The following NPHP4 variants were observed in gnomAD, a reference collection of about 807,000 sequenced individuals.
NPHP4 encodes the protein nephrocystin-4.
A neutral mutation model predicts 155.8 loss-of-function variants in NPHP4; 151 were observed. The ratio of observed to expected loss-of-function variants is 0.97; its 90% CI spans 0.85 to 1.11. NPHP4 has a LOEUF of 1.11. NPHP4 is among the 50% of genes least tolerant of loss of function. The pLI is 0.00. For missense variants in NPHP4, 1,956 were observed against 1,925.7 expected, an observed-to-expected ratio of 1.02 and a Z score of -0.29; for synonymous variants, 845 against 816.8, an observed-to-expected ratio of 1.03 and a Z score of -0.59.
chr1:5,992,172 T>G (rs1386335189), intron 1 of NPHP4, 72 bp downstream of exon 1: 2 of 152,042 alleles, frequency 1.3e-5, no homozygotes, highest in Non-Finnish European at 2.9e-5. Context: ...AGGCCCCCTG[T>G]GCCTCGAGGC....
chr1:5,965,080 G>A (rs922824526), intron 5 of NPHP4, among the ~76,000 whole-genome samples: 1 of 150,472 alleles, frequency 6.6e-6, no homozygotes, highest in Non-Finnish European at 1.5e-5. Flanking sequence ...CCACAGGGGC[G>A]CACCGCCATA....
intron 5 of NPHP4, among the ~76,000 whole-genome samples, chr1:5,965,121 T>TG (rs1651235850): frequency 1.3e-5 from 2 of 151,196 alleles, no homozygotes; most frequent in East Asian, 1.9e-4. Context: ...TTTGTAGAGA[T>TG]GGGGTCTCAC....
chr1:5,888,400 T>C (rs1643930683), intron 17 of NPHP4: 1 of 1,089,544 alleles, frequency 9.2e-7, no homozygotes, highest in Non-Finnish European at 1.1e-6. Context: ...TTCCGGATTT[T>C]GTAATTCTCC....
chr1:5,939,956 A>G (rs1041313651), intron 9 of NPHP4, among the ~76,000 whole-genome samples: 13 of 152,138 alleles, frequency 8.5e-5, no homozygotes, highest in African/African-American at 3.1e-4. Flanking sequence ...ACAGAGGATG[A>G]GGTGGGGCCA....
At position 5,905,413 on chromosome 1, in the gene NPHP4, C is replaced by G; in HGVS notation, c.1834G>C (p.Ala612Pro). The stretch of plus-strand genomic sequence containing the variant: ...ACAGCCTCGGCTGGCTGTTTATTGG[C>G]ATCCAGAATCTCGGGAAAGCCGGAG... ...QSSGFPEILD[A>P]NKQPAEAVSA... The change falls in exon 15 of 30, where the codon GCC (alanine) becomes CCC (proline). Residue 612 changes from alanine to proline, a missense_variant. Physicochemically the swap from Ala to Pro is conservative, Grantham distance 27. Coordinates refer to ENST00000378156, the MANE Select transcript of NPHP4 (RefSeq NM_015102.5). The surrounding 1 kb of genome is among the most constrained non-coding windows in gnomAD (Gnocchi z 4.0). The G allele has an allele frequency of 1.2e-6, 2 of 1,612,994 alleles. No homozygotes were observed. The highest frequency in any genetic ancestry group is 4.5e-5 in the East Asian group (2 of 44,836).
At chr1:5,956,066 G>GC (rs1553190524) in intron 6 of NPHP4, among the ~76,000 whole-genome samples, 1 of 150,100 alleles carries the variant, frequency 6.7e-6, no homozygotes, top group Non-Finnish European at 1.5e-5. Context: ...AGCTGGGGGG[G>GC]GGGGGTGCAG....
chr1:5,878,085 AG>A (rs1642807641), intron 19 of NPHP4, among the ~76,000 whole-genome samples: 1 of 152,224 alleles, frequency 6.6e-6, no homozygotes, highest in Admixed American at 6.5e-5. Flanking sequence ...GGCAGCTGAG[AG>A]GCGCCCCAGC....
At chr1:5,911,952 C>T (rs908730419) in intron 11 of NPHP4, among the ~76,000 whole-genome samples, 6 of 152,192 alleles carry the variant, frequency 3.9e-5, no homozygotes, top group Non-Finnish European at 5.9e-5. Context: ...GCCTGACTTC[C>T]GCCACATAAC....
Position 5,917,003 on chromosome 1 carries a change from G to A in NPHP4, c.1442-7790C>T, listed in dbSNP as rs1645506731. ...GGCAAAGCTGGAATGCAAGAGTGCA[G>A]CCAAAGCGGCAGTGGCAGGGAAAGA... On this transcript the variant is annotated intron_variant, in intron 11 of 29. Transcript: ENST00000378156. Among the ~76,000 whole-genome samples the A allele has an allele frequency of 5.9e-5, 9 of 152,368 alleles. No homozygotes were observed. In the South Asian group the frequency reaches 1.9e-3, roughly 32 times the overall value.
At chr1:5,921,902 T>C (rs1193074615) in intron 11 of NPHP4, among the ~76,000 whole-genome samples, 1 of 152,252 alleles carries the variant, frequency 6.6e-6, no homozygotes, top group Non-Finnish European at 1.5e-5. Context: ...CTGCTACTCC[T>C]TGCGGTAAGC....
chr1:5,863,493 C>T, intron 29 of NPHP4, 88 bp from the exon 30 acceptor site: 1 of 1,506,104 alleles, frequency 6.6e-7, no homozygotes, highest in Admixed American at 1.7e-5. Flanking sequence ...GTGTTTATTT[C>T]CAAGGGGAGC....
At chr1:5,865,680 C>T (rs867595496) in intron 26 of NPHP4, 2 of 175,450 alleles carry the variant, frequency 1.1e-5, no homozygotes, top group South Asian at 3.4e-4. Flanking sequence ...GGCTGGAGGT[C>T]ATGCCGGCCT....
At chr1:5,895,844 C>A (rs1415188929) in intron 16 of NPHP4, among the ~76,000 whole-genome samples, 1 of 152,236 alleles carries the variant, frequency 6.6e-6, no homozygotes, top group Non-Finnish European at 1.5e-5. Flanking sequence ...GAGCATGATG[C>A]GGCTACCGTA....
intron 16 of NPHP4, among the ~76,000 whole-genome samples, chr1:5,899,549 G>A (rs1465190226): frequency 2.6e-5 from 4 of 152,214 alleles, no homozygotes; most frequent in South Asian, 2.1e-4. Flanking sequence ...AGCCCCTTCC[G>A]GGCTGGGAGG....
intron 9 of NPHP4, among the ~76,000 whole-genome samples, chr1:5,938,831 C>T (rs574834019): frequency 1.6e-4 from 24 of 152,320 alleles, no homozygotes; most frequent in Admixed American, 9.8e-4. Context: ...TCATCAGAAT[C>T]GGCTATTTTG....
intron 7 of NPHP4, among the ~76,000 whole-genome samples, chr1:5,950,146 TA>T (rs1234787677): frequency 1.3e-5 from 2 of 152,176 alleles, no homozygotes; most frequent in African/African-American, 4.8e-5. Flanking sequence ...GCAATGAATT[TA>T]TGTTTTTAAA....
chr1:5,969,875 C>T (rs532729526), intron 3 of NPHP4, among the ~76,000 whole-genome samples: 23 of 152,278 alleles, frequency 1.5e-4, no homozygotes, highest in Admixed American at 9.8e-4. Context: ...TAATTATCCC[C>T]GGTTCAGAGC....
intron 6 of NPHP4, among the ~76,000 whole-genome samples, chr1:5,960,413 C>T (rs1444829040): frequency 1.3e-5 from 2 of 152,124 alleles, no homozygotes. Flanking sequence ...AATGCCTGTA[C>T]GATGCACAGG....
intron 17 of NPHP4, chr1:5,888,447 T>C (rs1643932710): frequency 8.9e-7 from 1 of 1,128,650 alleles, no homozygotes; most frequent in South Asian, 2.0e-5. Context: ...TCTCTGGGAG[T>C]GAGACGCCAG....
Sources: gnomAD v4.1 joint callset for allele counts (sites outside exome capture counted in the v4.1 genomes callset) on GRCh38, gnomAD v4.1.1 for gene constraint, Gnocchi (gnomAD v3.1) non-coding constraint, MANE v1.5 for transcripts, NCBI Gene and HGNC (gene_info 2026-07-23, HGNC 2026-07-21) for gene names.